Variants in PIP4K2A observed in about 807,000 individuals in gnomAD.
The protein encoded by PIP4K2A is phosphatidylinositol 5-phosphate 4-kinase type-2 alpha.
Under a neutral mutation model 42.9 loss-of-function variants are expected in PIP4K2A, and 14 were observed. The ratio of observed to expected loss-of-function variants is 0.33; its 90% confidence interval spans 0.22 to 0.51. PIP4K2A has a LOEUF of 0.51. Ranked by LOEUF, PIP4K2A falls within the 20% of genes least tolerant of loss-of-function variation. The probability of loss-of-function intolerance (pLI) is 0.97; values close to 1 mark genes in which losing one functional copy is unlikely to be tolerated. For synonymous variants in PIP4K2A, 192 were observed against 192.2 expected (o/e 1.00, Z 0.01); for missense variants, 434 against 519.8 (o/e 0.83, Z 1.61).
intron 1 of PIP4K2A, among the ~76,000 whole-genome samples, chr10:22,710,916 T>A (rs1438252592): frequency 6.6e-6 from 1 of 152,232 alleles, no homozygotes; most frequent in East Asian, 1.9e-4. Flanking sequence ...GATAAAAATC[T>A]TTTAGAGTAT....
chr10:22,579,632 A>G (rs1057416514), intron 4 of PIP4K2A, among the ~76,000 whole-genome samples: 1 of 152,128 alleles, frequency 6.6e-6, no homozygotes, highest in South Asian at 2.1e-4. Flanking sequence ...CTGGCCGGGC[A>G]TGGTGGCTCA....
chr10:22,690,578 AT>A (rs953412544), intron 1 of PIP4K2A, among the ~76,000 whole-genome samples: 2 of 152,218 alleles, frequency 1.3e-5, no homozygotes, highest in Non-Finnish European at 2.9e-5. Flanking sequence ...AAGAGGAGAT[AT>A]GTGCTCTTTT....
intron 4 of PIP4K2A, among the ~76,000 whole-genome samples, chr10:22,582,881 C>T (rs1277468705): frequency 9.7e-6 from 1 of 103,298 alleles, no homozygotes; most frequent in African/African-American, 3.6e-5. Flanking sequence ...GATTTCAAAT[C>T]GTCTTGAAGT....
At chr10:22,556,779 A>G (rs1233284562) in intron 6 of PIP4K2A, among the ~76,000 whole-genome samples, 3 of 152,240 alleles carry the variant, frequency 2.0e-5, no homozygotes, top group African/African-American at 7.2e-5. Context: ...AGTTGTAAAA[A>G]GAAAATTTAT....
rs544838642 is a variant in PIP4K2A, at chr10:22,536,180, C to T, written c.*1021G>A. On this transcript the variant is annotated 3_prime_UTR_variant, in exon 10 of 10. Transcript: ENST00000376573. Reference sequence around the variant, plus strand: ...TGTTGAAACAATGGTCAAACATAAACATCTTATAATTCAGATCTGCATTTG... The same window carrying T: ...TGTTGAAACAATGGTCAAACATAAATATCTTATAATTCAGATCTGCATTTG... 7.5e-6 allele frequency: 3 copies of T among 398,484 alleles called. No homozygotes were observed. The highest frequency in any genetic ancestry group is 7.1e-5 in the East Asian group (2 of 28,058). The allele number at this position is 398,484 out of a possible 1,614,324, so 24.7% of individuals were successfully genotyped here.
At position 22,687,360 on chromosome 10, in the gene PIP4K2A, C is replaced by T. The variant is rs139606047; in HGVS notation, c.144+26823G>A. On this transcript the variant is annotated intron_variant, in intron 1 of 9. Transcript: ENST00000376573. ...TTAATCAAACAATGGTTATCAGAGC[C>T]GAGGTGGAGGGAGGCCCAAATGAAG... Among the ~76,000 whole-genome samples the T allele has an allele frequency of 1.6e-4, 25 of 151,894 alleles. No individual in the cohort carries two copies. The South Asian group carries it at 1.9e-3, about 11-fold the overall frequency.
Position 22,585,524 on chromosome 10 carries a change from T to C in PIP4K2A, c.492+6105A>G, listed in dbSNP as rs183052262. ...AATAATATTTTCATAAGGTATTTCT[T>C]GATCACCTATATTGCAGCTTCCCTC... On this transcript the variant is annotated intron_variant, in intron 4 of 9. Transcript: ENST00000376573. Among the ~76,000 whole-genome samples the C allele has an allele frequency of 4.1e-3, 631 of 152,328 alleles. 2 individuals are homozygous for C. The highest frequency in any genetic ancestry group is 0.015 in the African/African-American group (614 of 41,554).
At chr10:22,604,792 C>T (rs1452417518) in intron 3 of PIP4K2A, among the ~76,000 whole-genome samples, 1 of 152,294 alleles carries the variant, frequency 6.6e-6, no homozygotes, top group African/African-American at 2.4e-5. Flanking sequence ...AACAAGGTTG[C>T]TTTTAGTCAT....
At chr10:22,558,029 T>C (rs1836595435) in intron 6 of PIP4K2A, among the ~76,000 whole-genome samples, 1 of 152,226 alleles carries the variant, frequency 6.6e-6, no homozygotes, top group Admixed American at 6.5e-5. Context: ...ATGAATTTTT[T>C]GTTTGATATG....
intron 2 of PIP4K2A, among the ~76,000 whole-genome samples, chr10:22,608,439 C>G (rs747500025): frequency 6.6e-6 from 1 of 152,174 alleles, no homozygotes; most frequent in Non-Finnish European, 1.5e-5. Flanking sequence ...CCTCACCCCC[C>G]TAAAAGGCCT....
At chr10:22,692,036 AT>A (rs1839881715) in intron 1 of PIP4K2A, among the ~76,000 whole-genome samples, 1 of 151,916 alleles carries the variant, frequency 6.6e-6, no homozygotes, top group South Asian at 2.1e-4. Flanking sequence ...CATTACCTTT[AT>A]TGTGCACTTA....
intron 4 of PIP4K2A, among the ~76,000 whole-genome samples, chr10:22,583,300 G>A (rs1837319590): frequency 6.6e-6 from 1 of 152,206 alleles, no homozygotes; most frequent in South Asian, 2.1e-4. Context: ...CCCCATCCCA[G>A]ATAGAAAGCT....
At chr10:22,559,159 C>T (rs1190766127) in intron 6 of PIP4K2A, among the ~76,000 whole-genome samples, 1 of 152,178 alleles carries the variant, frequency 6.6e-6, no homozygotes, top group Non-Finnish European at 1.5e-5. Context: ...AGTTTGCTAA[C>T]TCCTCTAGAT....
intron 1 of PIP4K2A, among the ~76,000 whole-genome samples, chr10:22,616,239 G>A (rs572331120): frequency 1.6e-3 from 244 of 152,264 alleles, no homozygotes; most frequent in African/African-American, 5.4e-3. Context: ...GGAGGAAGCC[G>A]GGGAGAGCTC....
intron 1 of PIP4K2A, among the ~76,000 whole-genome samples, chr10:22,692,735 A>G (rs1223173498): frequency 6.6e-6 from 1 of 152,180 alleles, no homozygotes. Context: ...ATACAAGACC[A>G]CAAGTGAGGT....
chr10:22,658,946 A>C (rs778028806), intron 1 of PIP4K2A, among the ~76,000 whole-genome samples: 4 of 152,248 alleles, frequency 2.6e-5, no homozygotes, highest in Non-Finnish European at 4.4e-5. Context: ...TAAGGGCTCC[A>C]TAGGGTTCCT....
chr10:22,617,592 G>A (rs1838202767), intron 1 of PIP4K2A, among the ~76,000 whole-genome samples: 1 of 152,182 alleles, frequency 6.6e-6, no homozygotes, highest in Non-Finnish European at 1.5e-5. Context: ...ACATGTAGAG[G>A]AGACACTGAG....
At chr10:22,605,912 G>C (rs1004933944) in intron 3 of PIP4K2A, among the ~76,000 whole-genome samples, 6 of 151,670 alleles carry the variant, frequency 4.0e-5, no homozygotes, top group African/African-American at 1.5e-4. Flanking sequence ...GTTCTAAAGT[G>C]ATACAGAATT....
chr10:22,657,423 C>A (rs968610337), intron 1 of PIP4K2A, among the ~76,000 whole-genome samples: 9 of 152,190 alleles, frequency 5.9e-5, no homozygotes, highest in African/African-American at 1.9e-4. Context: ...TTTGTCTTTT[C>A]AAGGAACTTC....
Sources: gnomAD v4.1 joint callset for allele counts (sites outside exome capture counted in the v4.1 genomes callset) on GRCh38, gnomAD v4.1.1 for gene constraint, MANE v1.5 for transcripts, NCBI Gene and HGNC (gene_info 2026-07-23, HGNC 2026-07-21) for gene names.